The following FOXP1 variants were observed in gnomAD, a reference collection of about 807,000 sequenced individuals.
FOXP1 encodes forkhead box P1.
Under a neutral mutation model 98.2 loss-of-function variants are expected in FOXP1, and 15 were observed. The ratio of observed to expected loss-of-function variants is 0.15; its 90% CI spans 0.10 to 0.24. The LOEUF (loss-of-function observed/expected upper bound fraction) is 0.24, where lower values mean the gene tolerates loss of function less well. Among genes scored for constraint, FOXP1 ranks in the 10% least tolerant of loss-of-function variants. The pLI, the probability that FOXP1 is intolerant of heterozygous loss-of-function variation, is 1.00. For missense variants in FOXP1, 633 were observed against 848.5 expected, an observed-to-expected ratio of 0.75 and a Z score of 3.15; for synonymous variants, 371 against 314.5, an observed-to-expected ratio of 1.18 and a Z score of -1.90.
intron 14 of FOXP1, among the ~76,000 whole-genome samples, 157 bp from the exon 15 acceptor site, chr3:70,978,186 G>A (rs953557491): frequency 6.6e-6 from 1 of 152,220 alleles, no homozygotes; most frequent in Non-Finnish European, 1.5e-5. Flanking sequence ...GGTGAGTCCT[G>A]CGTGAATTCA....
intron 3 of FOXP1, among the ~76,000 whole-genome samples, chr3:71,437,921 G>T (rs373950990): frequency 5.3e-5 from 8 of 152,162 alleles, no homozygotes; most frequent in African/African-American, 1.7e-4. Flanking sequence ...CTGTGTACAC[G>T]AAATTGAGTC....
rs148645324 is a variant in FOXP1 at position 71,276,897 on chromosome 3, G to A, written c.-12+22923C>T. ...GTTGTATCCTTTAACAAATCTCTCCGTTCCCCCTACACTTCCCAGGCTCTA... is the reference window on the plus strand; with the variant it reads ...GTTGTATCCTTTAACAAATCTCTCCATTCCCCCTACACTTCCCAGGCTCTA... On this transcript the variant is annotated intron_variant, in intron 5 of 20. Coordinates refer to ENST00000649528, the MANE Select transcript of FOXP1 (RefSeq NM_001349338.3). 1.7e-3 allele frequency among the ~76,000 whole-genome samples: 249 copies of A among 149,298 alleles called. 1 individual carries two copies. Among genetic ancestry groups the A allele is most frequent in the Middle Eastern group, 3.5e-3 (1 of 282 alleles).
intron 7 of FOXP1, among the ~76,000 whole-genome samples, chr3:71,101,840 G>A (rs556836596): frequency 2.2e-4 from 34 of 152,210 alleles, no homozygotes; most frequent in African/African-American, 7.9e-4. Flanking sequence ...CATGAACACC[G>A]CTAAACGTTG....
intron 2 of FOXP1, among the ~76,000 whole-genome samples, chr3:71,538,246 G>A (rs2044467970): frequency 6.6e-6 from 1 of 152,164 alleles, no homozygotes; most frequent in African/African-American, 2.4e-5. Context: ...TTCAACGGTT[G>A]TGAAACCATC....
chr3:71,198,811 G>A (rs796085208), intron 5 of FOXP1, among the ~76,000 whole-genome samples: 28 of 151,928 alleles, frequency 1.8e-4, no homozygotes, highest in African/African-American at 6.3e-4. Flanking sequence ...TCCTGCCTCA[G>A]CCTCCGAGTA....
chr3:71,350,587 C>T (rs578074188), intron 4 of FOXP1, among the ~76,000 whole-genome samples: 13 of 152,204 alleles, frequency 8.5e-5, no homozygotes, highest in African/African-American at 2.4e-4. Context: ...CTAGACTCCT[C>T]GAGGACAGAG....
intron 9 of FOXP1, among the ~76,000 whole-genome samples, chr3:71,050,108 T>A (rs1304018684): frequency 6.6e-6 from 1 of 152,180 alleles, no homozygotes; most frequent in Non-Finnish European, 1.5e-5. Context: ...CAAAGTGTTC[T>A]CCTTCTCCCC....
At chr3:71,563,426 G>A (rs1335943048) in intron 2 of FOXP1, among the ~76,000 whole-genome samples, 1 of 152,198 alleles carries the variant, frequency 6.6e-6, no homozygotes, top group African/African-American at 2.4e-5. Context: ...GCAACTGGCT[G>A]AGAACAGAGT....
At chr3:71,423,664 G>C (rs2083847435) in intron 3 of FOXP1, among the ~76,000 whole-genome samples, 1 of 152,218 alleles carries the variant, frequency 6.6e-6, no homozygotes, top group Non-Finnish European at 1.5e-5. Context: ...GGCCAACACA[G>C]GGGCCTCCCA....
intron 4 of FOXP1, among the ~76,000 whole-genome samples, chr3:71,335,504 A>T (rs2076609659): frequency 6.6e-6 from 1 of 152,164 alleles, no homozygotes; most frequent in South Asian, 2.1e-4. Flanking sequence ...CATGGAAGAA[A>T]GGAGATAAAG....
rs150320202 is a variant in FOXP1, at chr3:71,348,708, T to C, written c.-73+10442A>G. 7.8e-4 allele frequency among the ~76,000 whole-genome samples: 118 copies of C among 152,186 alleles called. 1 individual carries two copies. In the East Asian group the frequency reaches 0.022, roughly 29 times the overall value. ...GGGAGGTGCTATCATTTGAATGTTA[T>C]TGATACTAGACAGAATCTTGAGGGG... On this transcript the variant is annotated intron_variant, in intron 4 of 20. Coordinates refer to ENST00000649528, the MANE Select transcript of FOXP1 (RefSeq NM_001349338.3).
intron 7 of FOXP1, among the ~76,000 whole-genome samples, chr3:71,097,593 G>A (rs780269547): frequency 3.9e-5 from 6 of 152,150 alleles, no homozygotes; most frequent in Non-Finnish European, 5.9e-5. Flanking sequence ...CAACGATGGA[G>A]GAAGGTCAAC....
intron 2 of FOXP1, among the ~76,000 whole-genome samples, chr3:71,528,836 G>C (rs2043599975): frequency 6.6e-6 from 1 of 152,172 alleles, no homozygotes; most frequent in Non-Finnish European, 1.5e-5. Context: ...TGGGGGTTAG[G>C]TATGAAAGAA....
intron 5 of FOXP1, among the ~76,000 whole-genome samples, chr3:71,267,744 G>A (rs9827503): frequency 0.16 from 24,246 of 152,082 alleles, 2,129 homozygotes; most frequent in East Asian, 0.25. Flanking sequence ...TGGGCCAGGC[G>A]CAGTGGCTCA....
intron 9 of FOXP1, among the ~76,000 whole-genome samples, chr3:71,049,195 CCCTA>C (rs1167536200): frequency 6.6e-6 from 1 of 152,140 alleles, no homozygotes; most frequent in Non-Finnish European, 1.5e-5. Flanking sequence ...CGGATCCCCT[CCCTA>C]GAGCTGCAGT....
intron 7 of FOXP1, among the ~76,000 whole-genome samples, chr3:71,109,802 C>A (rs1309713136): frequency 6.6e-6 from 1 of 152,084 alleles, no homozygotes; most frequent in Non-Finnish European, 1.5e-5. Flanking sequence ...ATGTGCATGA[C>A]CCTATCAGGC....
intron 4 of FOXP1, among the ~76,000 whole-genome samples, chr3:71,308,749 ATGTGTG>A (rs71104439): frequency 0.18 from 23,770 of 131,728 alleles, 2,279 homozygotes; most frequent in Admixed American, 0.28. Flanking sequence ...TTCTACCACA[ATGTGTG>A]TGTGTGTGTG....
intron 4 of FOXP1, among the ~76,000 whole-genome samples, chr3:71,343,915 C>T (rs1043371280): frequency 2.0e-5 from 3 of 152,180 alleles, no homozygotes; most frequent in Non-Finnish European, 4.4e-5. Flanking sequence ...GGTGTCAACA[C>T]TAAGGAAAGC....
intron 3 of FOXP1, among the ~76,000 whole-genome samples, chr3:71,480,905 A>G (rs1362416941): frequency 6.6e-6 from 1 of 152,306 alleles, no homozygotes; most frequent in South Asian, 2.1e-4. Context: ...GGTTGTTCAA[A>G]TGCAGTGTGG....
Sources: allele counts gnomAD v4.1 joint callset (sites outside exome capture counted in the v4.1 genomes callset), GRCh38; gene constraint gnomAD v4.1.1; transcripts MANE v1.5; gene names NCBI Gene and HGNC (gene_info 2026-07-23, HGNC 2026-07-21).